ZSCAN5A: variants seen among roughly 807,000 people sequenced by gnomAD.
ZSCAN5A encodes the protein zinc finger and SCAN domain-containing protein 5A.
A neutral mutation model predicts 23.7 loss-of-function variants in ZSCAN5A; 12 were observed. The ratio of observed to expected loss-of-function variants is 0.51; its 90% CI spans 0.32 to 0.82. ZSCAN5A has a LOEUF of 0.82. ZSCAN5A is among the 40% of genes least tolerant of loss of function. The pLI, the probability that ZSCAN5A is intolerant of heterozygous loss-of-function variation, is 0.03. For missense variants in ZSCAN5A, 597 were observed against 617.9 expected (o/e 0.97, Z 0.36); for synonymous variants, 257 against 239.9 (o/e 1.07, Z -0.66).
intron 2 of ZSCAN5A, among the ~76,000 whole-genome samples, chr19:56,300,597 T>G (rs948148666): frequency 1.3e-5 from 2 of 152,224 alleles, no homozygotes; most frequent in African/African-American, 2.4e-5. Context: ...TGAAAAAGAT[T>G]AGTGTAAACG....
In ZSCAN5A at chr19:56,221,613, G is replaced by A. The variant is rs764297887; in HGVS notation, c.1453C>T (p.Arg485Cys). Residue 485 changes from arginine to cysteine, a missense_variant, in exon 6 of 6, where the codon CGC becomes TGC. Transcript: ENST00000683990. ...GCTTCTGGATGTGTTTTCTGGTGGC[G>A]TCTTAACAATTTCAGCCGACTGAAG... ...RAFSRLKLLR[R>C]HQKTHPEATS... The A allele has an allele frequency of 8.7e-6, 14 of 1,610,586 alleles. No individual in the cohort carries two copies. The highest frequency in any genetic ancestry group is 4.4e-5 in the South Asian group (4 of 90,822).
intron 2 of ZSCAN5A, among the ~76,000 whole-genome samples, chr19:56,285,862 G>C (rs2039077171): frequency 6.6e-6 from 1 of 151,976 alleles, no homozygotes; most frequent in Non-Finnish European, 1.5e-5. Context: ...TTTTATTTTT[G>C]CAAATTCCTA....
chr19:56,223,086 TG>T (rs1165700956), intron 4 of ZSCAN5A, among the ~76,000 whole-genome samples: 2 of 152,152 alleles, frequency 1.3e-5, no homozygotes, highest in African/African-American at 4.8e-5. Flanking sequence ...GTGGCACCAC[TG>T]GCATTGGGGC....
intron 2 of ZSCAN5A, among the ~76,000 whole-genome samples, chr19:56,238,510 T>A (rs571343791): frequency 2.6e-5 from 4 of 152,230 alleles, no homozygotes; most frequent in African/African-American, 9.6e-5. Context: ...TGCTTGCCTG[T>A]AATTCCAGAT....
intron 2 of ZSCAN5A, among the ~76,000 whole-genome samples, chr19:56,327,689 A>G (rs139089536): frequency 2.0e-5 from 3 of 151,610 alleles, no homozygotes; most frequent in East Asian, 1.9e-4. Flanking sequence ...TATGTATTCT[A>G]TACAAATACT....
At chr19:56,342,504 C>G (rs867170899) in intron 2 of ZSCAN5A, 1 of 375,832 alleles carries the variant, frequency 2.7e-6, no homozygotes, top group Non-Finnish European at 5.3e-6. Context: ...AGTAAGCACT[C>G]CAATAAAATC....
intron 2 of ZSCAN5A, among the ~76,000 whole-genome samples, chr19:56,280,319 G>A (rs2038595197): frequency 6.6e-6 from 1 of 152,062 alleles, no homozygotes; most frequent in Admixed American, 6.6e-5. Flanking sequence ...TTTCTTGTAT[G>A]GAAGTCCACA....
chr19:56,336,436 A>G (rs1384994682), intron 2 of ZSCAN5A, among the ~76,000 whole-genome samples: 2 of 152,132 alleles, frequency 1.3e-5, no homozygotes, highest in East Asian at 1.9e-4. Context: ...CAGCTCCATC[A>G]GGTCCTTTAA....
intron 2 of ZSCAN5A, among the ~76,000 whole-genome samples, chr19:56,363,022 C>T (rs2041744188): frequency 6.6e-6 from 1 of 152,120 alleles, no homozygotes; most frequent in Non-Finnish European, 1.5e-5. Context: ...TTCATAAAAG[C>T]ATTTTCTAAA....
chr19:56,355,802 T>C (rs1378317439), intron 2 of ZSCAN5A, among the ~76,000 whole-genome samples: 6 of 148,778 alleles, frequency 4.0e-5, no homozygotes. Flanking sequence ...TATTCCTTCA[T>C]ATGTTTAGGT....
intron 2 of ZSCAN5A, among the ~76,000 whole-genome samples, chr19:56,269,669 G>A (rs561340148): frequency 3.9e-5 from 6 of 152,312 alleles, no homozygotes; most frequent in African/African-American, 1.2e-4. Flanking sequence ...AGACTTGACC[G>A]GCCATCGCTG....
intron 2 of ZSCAN5A, chr19:56,245,257 G>T: frequency 3.0e-6 from 2 of 676,960 alleles, no homozygotes; most frequent in African/African-American, 1.8e-5. Context: ...AATATCTTAT[G>T]CAGGAATCAG....
rs945625813 is a variant in ZSCAN5A at position 56,245,169 on chromosome 19, G to C, written c.-127-19996C>G. On this transcript the variant is annotated intron_variant, in intron 2 of 5. Coordinates refer to ENST00000683990, the MANE Select transcript of ZSCAN5A (RefSeq NM_001322064.3). ...TTATGGCAGGACCCAGGGAATATGA[G>C]AGCTACTTTCAGGTTCTCATAGTGA... is the stretch of plus-strand genomic sequence containing the variant. The C allele has an allele frequency of 2.8e-5, 14 of 492,596 alleles. No homozygotes were observed. In the East Asian group the frequency reaches 5.0e-4, roughly 18 times the overall value. 30.5% of individuals were successfully genotyped at this position (492,596 alleles called of 1,614,324 possible).
intron 2 of ZSCAN5A, among the ~76,000 whole-genome samples, chr19:56,328,093 T>C (rs973473419): frequency 1.3e-5 from 2 of 152,128 alleles, no homozygotes; most frequent in Non-Finnish European, 2.9e-5. Flanking sequence ...AGTAGCACAG[T>C]GAAGGGAGAA....
At chr19:56,275,213 C>T (rs959448547) in intron 2 of ZSCAN5A, among the ~76,000 whole-genome samples, 31 of 152,160 alleles carry the variant, frequency 2.0e-4, no homozygotes, top group Admixed American at 6.5e-4. Flanking sequence ...TGAGGCTATG[C>T]GAATACCCTG....
chr19:56,298,970 A>G (rs1236773759), intron 2 of ZSCAN5A, among the ~76,000 whole-genome samples: 1 of 152,234 alleles, frequency 6.6e-6, no homozygotes, highest in Non-Finnish European at 1.5e-5. Context: ...TTGGCAATAC[A>G]TGTTAAACAA....
At chr19:56,337,246 C>T (rs1022418383) in intron 2 of ZSCAN5A, among the ~76,000 whole-genome samples, 24 of 152,222 alleles carry the variant, frequency 1.6e-4, no homozygotes, top group Middle Eastern at 3.2e-3. Context: ...TCGAGCTTCC[C>T]GGCCACTTTA....
Position 56,221,745 on chromosome 19 carries a change from C to T in ZSCAN5A, c.1321G>A (p.Glu441Lys), listed in dbSNP as rs373832268. The T allele has an allele frequency of 1.9e-6, 3 of 1,614,078 alleles. No homozygotes were observed. The highest frequency in any genetic ancestry group is 1.1e-5 in the South Asian group (1 of 91,088). The change falls in exon 6 of 6, where the codon GAA (glutamate) becomes AAA (lysine). Residue 441 changes from glutamate (E) to lysine (K), a missense_variant. Physicochemically the swap from Glu to Lys is moderately conservative, Grantham distance 56. Transcript: ENST00000683990. ...KRSHTGEKPF[E>K]CKDCKKVFTY... ...AAAACTTTCTTGCAGTCTTTACATTCGAAGGGCTTCTCCCCTGTGTGGCTT... is the reference window on the plus strand; with the variant it reads ...AAAACTTTCTTGCAGTCTTTACATTTGAAGGGCTTCTCCCCTGTGTGGCTT...
At chr19:56,225,201 A>G in intron 2 of ZSCAN5A, 28 bp from the exon 3 acceptor site, 1 of 1,425,594 alleles carries the variant, frequency 7.0e-7, no homozygotes, top group Non-Finnish European at 9.1e-7. Context: ...GAGCCTCATT[A>G]GTTTAAGTTA....
Sources: allele counts gnomAD v4.1 joint callset (sites outside exome capture counted in the v4.1 genomes callset), GRCh38; gene constraint gnomAD v4.1.1; transcripts MANE v1.5; gene names NCBI Gene and HGNC (gene_info 2026-07-23, HGNC 2026-07-21).